Variants in CRLS1 observed in about 807,000 individuals in gnomAD.
CRLS1 encodes cardiolipin synthase (CMP-forming).
Under a neutral mutation model 37.0 loss-of-function variants are expected in CRLS1, and 24 were observed. The ratio of observed to expected loss-of-function variants is 0.65; its 90% CI spans 0.47 to 0.91. CRLS1 has a LOEUF of 0.91. Among genes scored for constraint, CRLS1 ranks in the 40% least tolerant of loss-of-function variants. The pLI is 0.00. For missense variants in CRLS1, 373 were observed against 395.8 expected (o/e 0.94, Z 0.49); for synonymous variants, 135 against 159.7 (o/e 0.85, Z 1.17).
intron 3 of CRLS1, among the ~76,000 whole-genome samples, chr20:6,030,688 C>T (rs1434601918): frequency 1.3e-5 from 2 of 151,856 alleles, no homozygotes; most frequent in Admixed American, 1.3e-4. Flanking sequence ...CACTGCACTC[C>T]AGCCTGGGCA....
At chr20:6,031,448 C>A in intron 4 of CRLS1, 78 bp downstream of exon 4, 1 of 1,107,482 alleles carries the variant, frequency 9.0e-7, no homozygotes, top group Non-Finnish European at 1.3e-6. Context: ...ATTTTTGCGT[C>A]AACATCTTTT....
chr20:6,006,196 C>A lies in CRLS1; in HGVS notation c.-51C>A. The A allele has an allele frequency of 2.7e-6, 3 of 1,100,834 alleles. No individual in the cohort carries two copies. Among genetic ancestry groups the A allele is most frequent in the Non-Finnish European group, 3.4e-6 (3 of 873,078 alleles). 68.2% of individuals were successfully genotyped at this position (1,100,834 alleles called of 1,614,324 possible). ...ATGGAGAAGCGGCTCGCCAGTGTCC[C>A]AGGCTGCTGAGCTCTCGCCGCCCGA... On this transcript the variant is annotated 5_prime_UTR_variant, in exon 1 of 7. Coordinates refer to ENST00000378863, the MANE Select transcript of CRLS1 (RefSeq NM_019095.6).
rs1314079719 is a variant in CRLS1, at chr20:6,031,999, G to T, written c.661-13G>T. 1.3e-6 allele frequency: 2 copies of T among 1,595,540 alleles called. No individual in the cohort carries two copies. The highest frequency in any genetic ancestry group is 1.7e-6 in the Non-Finnish European group (2 of 1,167,606). ...ATAAGTTAATTACTTTATCTTTTTT[G>T]GTCCTCTGCCAGCGAACACTTGCCA... is the stretch of plus-strand genomic sequence containing the variant. On this transcript the variant is annotated splice_polypyrimidine_tract_variant and intron_variant, in intron 4 of 6. Transcript: ENST00000378863.
intron 3 of CRLS1, among the ~76,000 whole-genome samples, chr20:6,021,785 T>A (rs976805105): frequency 1.3e-5 from 2 of 152,214 alleles, no homozygotes; most frequent in African/African-American, 4.8e-5. Flanking sequence ...TTTGTCCTTT[T>A]TAGTATTTTT....
intron 3 of CRLS1, among the ~76,000 whole-genome samples, chr20:6,017,124 A>G (rs1279269258): frequency 6.6e-6 from 1 of 151,928 alleles, no homozygotes; most frequent in Non-Finnish European, 1.5e-5. Context: ...CCAAGAACCT[A>G]CCACCATGTG....
intron 3 of CRLS1, among the ~76,000 whole-genome samples, chr20:6,020,560 A>G (rs1979171693): frequency 6.6e-6 from 1 of 151,954 alleles, no homozygotes; most frequent in South Asian, 2.1e-4. Context: ...ATTGAAATGA[A>G]TGTATATTCT....
chr20:6,010,162 T>G (rs1025553572), intron 2 of CRLS1, among the ~76,000 whole-genome samples: 9 of 152,114 alleles, frequency 5.9e-5, no homozygotes, highest in Admixed American at 5.9e-4. Flanking sequence ...TACTCTTGGT[T>G]TTTAAGAGTG....
upstream of CRLS1, chr20:6,006,093 A>C: frequency 1.3e-5 from 5 of 393,078 alleles, no homozygotes; most frequent in East Asian, 4.1e-5. Flanking sequence ...TGCCACCTGT[A>C]TAAGTGGAGT....
intron 3 of CRLS1, among the ~76,000 whole-genome samples, chr20:6,029,536 T>A (rs1979986232): frequency 6.6e-6 from 1 of 152,112 alleles, no homozygotes; most frequent in Non-Finnish European, 1.5e-5. Context: ...ATTTTGTATT[T>A]TTAGTAGAGA....
intron 1 of CRLS1, among the ~76,000 whole-genome samples, chr20:6,009,238 A>G (rs1199782312): frequency 4.0e-5 from 6 of 151,484 alleles, no homozygotes; most frequent in African/African-American, 1.5e-4. Flanking sequence ...CAGAAGAATC[A>G]CTTGAACCCG....
chr20:6,017,994 G>T (rs1199667622), intron 3 of CRLS1, among the ~76,000 whole-genome samples: 1 of 151,968 alleles, frequency 6.6e-6, no homozygotes, highest in East Asian at 1.9e-4. Flanking sequence ...GAGGTGGGCG[G>T]ATCACTTGAG....
chr20:6,020,714 C>T (rs1232777262), intron 3 of CRLS1, among the ~76,000 whole-genome samples: 1 of 151,814 alleles, frequency 6.6e-6, no homozygotes, highest in Non-Finnish European at 1.5e-5. Flanking sequence ...GCTCTGCCTC[C>T]TGGGTTCACG....
chr20:6,023,638 G>GTT (rs11480139), intron 3 of CRLS1, among the ~76,000 whole-genome samples: 143 of 144,836 alleles, frequency 9.9e-4, no homozygotes, highest in African/African-American at 1.8e-3. Context: ...AAAAATCTTT[G>GTT]TTTTTTTTTT....
intron 3 of CRLS1, among the ~76,000 whole-genome samples, chr20:6,030,597 G>A (rs913169827): frequency 1.3e-5 from 2 of 150,368 alleles, no homozygotes; most frequent in African/African-American, 2.5e-5. Context: ...GTGCATCTGT[G>A]CTCCCAGCTA....
In CRLS1 at chr20:6,037,177, G is replaced by T; in HGVS notation, c.*19G>T. 1.3e-6 allele frequency: 2 copies of T among 1,566,134 alleles called. No individual in the cohort carries two copies. Among genetic ancestry groups the T allele is most frequent in the Non-Finnish European group, 1.8e-6 (2 of 1,136,956 alleles). On this transcript the variant is annotated 3_prime_UTR_variant, in exon 7 of 7. Transcript: ENST00000378863. Reference sequence around the variant, plus strand: ...AGACTGATGAAAGTCATCCCTCACTGTTAGTAAGGAAGCAGTATACATCAA... The same window carrying T: ...AGACTGATGAAAGTCATCCCTCACTTTTAGTAAGGAAGCAGTATACATCAA...
intron 1 of CRLS1, chr20:6,007,420 T>C (rs1358052255): frequency 3.1e-6 from 5 of 1,612,986 alleles, no homozygotes; most frequent in East Asian, 4.5e-5. Flanking sequence ...GGTTATCTGG[T>C]TGAGTAATCT....
chr20:6,009,499 T>C (rs1337615405), intron 1 of CRLS1, among the ~76,000 whole-genome samples: 1 of 152,166 alleles, frequency 6.6e-6, no homozygotes. Context: ...ATTCCTGGGC[T>C]TAAGGGATCC....
intron 2 of CRLS1, among the ~76,000 whole-genome samples, chr20:6,012,458 A>G (rs1382015753): frequency 6.6e-6 from 1 of 152,146 alleles, no homozygotes; most frequent in East Asian, 1.9e-4. Flanking sequence ...TATATTTTAA[A>G]GACAGAAGTA....
chr20:6,010,027 A>G, intron 2 of CRLS1, 115 bp downstream of exon 2: 1 of 1,017,628 alleles, frequency 9.8e-7, no homozygotes, highest in Non-Finnish European at 1.4e-6. Context: ...CTCAAGATGA[A>G]TTTGACGTGG....
Sources: gnomAD v4.1 joint callset for allele counts (sites outside exome capture counted in the v4.1 genomes callset) on GRCh38, gnomAD v4.1.1 for gene constraint, MANE v1.5 for transcripts, NCBI Gene and HGNC (gene_info 2026-07-23, HGNC 2026-07-21) for gene names.